LATS2: variants seen among roughly 807,000 people sequenced by gnomAD.
LATS2 encodes the protein large tumor suppressor kinase 2.
A neutral mutation model predicts 76.0 loss-of-function variants in LATS2; 24 were observed. That is an observed-to-expected ratio of 0.32 (90% confidence interval 0.23 to 0.44). The LOEUF is 0.44. LATS2 is among the 20% of genes least tolerant of loss of function. The probability of loss-of-function intolerance (pLI) is 1.00; values close to 1 mark genes in which losing one functional copy is unlikely to be tolerated. For synonymous variants in LATS2, 692 were observed against 635.4 expected (o/e 1.09, Z -1.34); for missense variants, 1,286 against 1,481.2 (o/e 0.87, Z 2.16).
intron 2 of LATS2, among the ~76,000 whole-genome samples, chr13:20,999,055 T>C (rs760785195): frequency 1.3e-5 from 2 of 152,218 alleles, no homozygotes; most frequent in Non-Finnish European, 2.9e-5. Context: ...CACAACCTTG[T>C]CCACGCGAGG....
At chr13:21,032,555 T>C (rs955897303) in intron 2 of LATS2, among the ~76,000 whole-genome samples, 1 of 152,180 alleles carries the variant, frequency 6.6e-6, no homozygotes, top group Non-Finnish European at 1.5e-5. Context: ...GGTGAGCCAC[T>C]GCACCCAGCC....
intron 1 of LATS2, among the ~76,000 whole-genome samples, chr13:21,055,681 CACCA>C (rs1565968169): frequency 6.6e-6 from 1 of 152,202 alleles, no homozygotes; most frequent in East Asian, 1.9e-4. Context: ...ACACATCAAG[CACCA>C]ACCAAGGAAC....
intron 4 of LATS2, 118 bp from the exon 5 acceptor site, chr13:20,983,924 G>A: frequency 2.7e-6 from 2 of 749,398 alleles, no homozygotes. Context: ...ACAGAAAGGA[G>A]AACAGAGAAG....
intron 2 of LATS2, among the ~76,000 whole-genome samples, chr13:20,998,702 G>T (rs1311363985): frequency 3.3e-5 from 5 of 152,240 alleles, no homozygotes. Context: ...GGCGCTCCCG[G>T]CGATCTTGGG....
At chr13:21,014,487 G>A (rs1021563095) in intron 2 of LATS2, among the ~76,000 whole-genome samples, 1 of 152,182 alleles carries the variant, frequency 6.6e-6, no homozygotes, top group African/African-American at 2.4e-5. Context: ...CATAAAGGAA[G>A]TATTTCTGAG....
At chr13:21,003,258 T>C (rs531125890) in intron 2 of LATS2, among the ~76,000 whole-genome samples, 1 of 152,186 alleles carries the variant, frequency 6.6e-6, no homozygotes, top group East Asian at 1.9e-4. Flanking sequence ...TTTATTATTA[T>C]TATTTTTGAG....
intron 2 of LATS2, among the ~76,000 whole-genome samples, chr13:21,035,502 C>T (rs1030098286): frequency 1.3e-5 from 2 of 152,074 alleles, no homozygotes; most frequent in South Asian, 2.1e-4. Flanking sequence ...TCTCCCAGGG[C>T]CCCATCCATC....
chr13:21,034,608 C>T (rs1872635786), intron 2 of LATS2, among the ~76,000 whole-genome samples: 2 of 152,134 alleles, frequency 1.3e-5, no homozygotes, highest in African/African-American at 2.4e-5. Context: ...TGCCGTGCCA[C>T]CACAGCCTGC....
intron 2 of LATS2, among the ~76,000 whole-genome samples, chr13:21,023,341 C>T (rs1054843024): frequency 2.0e-5 from 3 of 151,990 alleles, no homozygotes; most frequent in Non-Finnish European, 4.4e-5. Context: ...ACTGGGACCA[C>T]AGGCGCTCGC....
At position 21,035,001 on chromosome 13, in the gene LATS2, C is replaced by T. The variant is rs150004293; in HGVS notation, c.342+10684G>A. 8.4e-3 allele frequency among the ~76,000 whole-genome samples: 1,284 copies of T among 152,106 alleles called. 12 individuals are homozygous for T. The highest frequency in any genetic ancestry group is 0.03 in the African/African-American group (1,228 of 41,474). ...ATCCCAACACTTTGGTAGGCCAGGGCGGGAGGATCACTTGAGGCCAGGAGT... is the reference window on the plus strand; with the variant it reads ...ATCCCAACACTTTGGTAGGCCAGGGTGGGAGGATCACTTGAGGCCAGGAGT... On this transcript the variant is annotated intron_variant, in intron 2 of 7. Transcript: ENST00000382592.
intron 1 of LATS2, among the ~76,000 whole-genome samples, chr13:21,047,997 C>T (rs752942223): frequency 6.6e-6 from 1 of 152,200 alleles, no homozygotes; most frequent in Non-Finnish European, 1.5e-5. Flanking sequence ...AGTAAAGTCA[C>T]TGAAATGACT....
intron 4 of LATS2, among the ~76,000 whole-genome samples, chr13:20,984,959 T>C (rs1021778669): frequency 2.0e-5 from 3 of 152,184 alleles, no homozygotes; most frequent in Admixed American, 6.5e-5. Flanking sequence ...AACAGACACA[T>C]AGACCAATGG....
intron 2 of LATS2, among the ~76,000 whole-genome samples, chr13:21,040,813 T>C (rs1031836483): frequency 6.6e-5 from 10 of 152,098 alleles, no homozygotes; most frequent in African/African-American, 2.2e-4. Flanking sequence ...ATAAACTCCA[T>C]GCCCCACAGA....
In LATS2 at chr13:20,988,526, C is replaced by T; in HGVS notation, c.1254G>A (p.Pro418=). Residue 418 remains proline (P), a synonymous_variant, in exon 4 of 8, where the codon CCG becomes CCA. Coordinates refer to ENST00000382592, the MANE Select transcript of LATS2 (RefSeq NM_014572.3). ...GCAGGGAGGGCTCGGCCTTGCCAGG[C>T]GGACCGGGCCGCGGCTGGTGGCTGT... is the stretch of plus-strand genomic sequence containing the variant. ...SFNSHQPRPG[P]PGKAEPSLPA... is the part of the protein sequence containing the mutation. The T allele has an allele frequency of 6.4e-7, 1 of 1,566,964 alleles. No individual in the cohort carries two copies. The highest frequency in any genetic ancestry group is 2.3e-5 in the East Asian group (1 of 43,714).
chr13:21,047,542 T>A (rs1174926993), intron 1 of LATS2, among the ~76,000 whole-genome samples: 1 of 152,200 alleles, frequency 6.6e-6, no homozygotes, highest in Non-Finnish European at 1.5e-5. Flanking sequence ...TGAGCAGATT[T>A]CGAAGGATAA....
intron 2 of LATS2, among the ~76,000 whole-genome samples, chr13:20,993,761 C>T (rs983486010): frequency 7.2e-5 from 11 of 152,118 alleles, no homozygotes; most frequent in Non-Finnish European, 1.3e-4. Flanking sequence ...CTCCCACCAC[C>T]GCCTACTTCG....
chr13:21,025,293 G>A (rs1872266190), intron 2 of LATS2, among the ~76,000 whole-genome samples: 1 of 151,088 alleles, frequency 6.6e-6, no homozygotes, highest in Non-Finnish European at 1.5e-5. Context: ...TAGGGAGGCT[G>A]AGGCAGGAGA....
At chr13:21,008,518 T>C (rs937812406) in intron 2 of LATS2, among the ~76,000 whole-genome samples, 1 of 152,130 alleles carries the variant, frequency 6.6e-6, no homozygotes, top group Non-Finnish European at 1.5e-5. Context: ...CTGAACATTA[T>C]GAACATTTAT....
intron 2 of LATS2, among the ~76,000 whole-genome samples, chr13:21,021,905 T>C (rs1369108687): frequency 6.6e-6 from 1 of 152,224 alleles, no homozygotes; most frequent in East Asian, 1.9e-4. Flanking sequence ...CTCCTCAGAC[T>C]TCTCAAGCTG....
Sources: allele counts gnomAD v4.1 joint callset (sites outside exome capture counted in the v4.1 genomes callset), GRCh38; gene constraint gnomAD v4.1.1; transcripts MANE v1.5; gene names NCBI Gene and HGNC (gene_info 2026-07-23, HGNC 2026-07-21).